Variants in ADAMTS16 observed in about 807,000 individuals in gnomAD.
ADAMTS16 encodes A disintegrin and metalloproteinase with thrombospondin motifs 16.
A neutral mutation model predicts 145.8 loss-of-function variants in ADAMTS16; 94 were observed. The observed-to-expected ratio is 0.64, with a 90% CI of 0.55 to 0.77. The LOEUF (loss-of-function observed/expected upper bound fraction) is 0.77. Among genes scored for constraint, ADAMTS16 ranks in the 30% least tolerant of loss-of-function variants. The pLI is 0.00. For synonymous variants in ADAMTS16, 659 were observed against 604.3 expected, an observed-to-expected ratio of 1.09 and a Z score of -1.33; for missense variants, 1,585 against 1,591.5, an observed-to-expected ratio of 1.00 and a Z score of 0.07.
At chr5:5,200,440 G>A (rs1735925265) in intron 9 of ADAMTS16, among the ~76,000 whole-genome samples, 171 bp downstream of exon 9, 1 of 152,200 alleles carries the variant, frequency 6.6e-6, no homozygotes, top group Non-Finnish European at 1.5e-5. Flanking sequence ...TCTCCTTAGA[G>A]CATGGAGGCC....
chr5:5,191,598 A>G (rs1735663711), intron 7 of ADAMTS16, 87 bp from the exon 8 acceptor site: 2 of 1,133,788 alleles, frequency 1.8e-6, no homozygotes, highest in South Asian at 1.3e-5. Context: ...TAAGAACTAA[A>G]TTTCACTAAG....
chr5:5,161,768 T>C (rs1210586408), intron 3 of ADAMTS16, among the ~76,000 whole-genome samples: 2 of 152,172 alleles, frequency 1.3e-5, no homozygotes, highest in Non-Finnish European at 2.9e-5. Context: ...CAATAATATA[T>C]TTTCTATCAT....
intron 17 of ADAMTS16, among the ~76,000 whole-genome samples, chr5:5,262,015 C>T (rs1203211050): frequency 6.6e-6 from 1 of 152,136 alleles, no homozygotes; most frequent in Non-Finnish European, 1.5e-5. Flanking sequence ...AAGTTAAAAT[C>T]CCTTTGGGAT....
chr5:5,201,617 G>A (rs1400836080), intron 9 of ADAMTS16, among the ~76,000 whole-genome samples: 1 of 152,012 alleles, frequency 6.6e-6, no homozygotes, highest in Non-Finnish European at 1.5e-5. Flanking sequence ...ACAGTAAGAT[G>A]AGTTTAGACG....
intron 14 of ADAMTS16, among the ~76,000 whole-genome samples, 183 bp from the exon 15 acceptor site, chr5:5,238,968 T>G (rs16875119): frequency 0.11 from 17,253 of 152,276 alleles, 1,111 homozygotes; most frequent in Admixed American, 0.19. Context: ...CCTACATTTT[T>G]GAAGGGTAAC....
intron 18 of ADAMTS16, among the ~76,000 whole-genome samples, chr5:5,273,252 C>A (rs2964395): frequency 0.41 from 62,364 of 152,112 alleles, 13,553 homozygotes; most frequent in East Asian, 0.59. Flanking sequence ...TGGGCCTGGC[C>A]CAGTGACTCA....
rs887148426 is a variant in ADAMTS16 at position 5,310,081 on chromosome 5, T to C, written c.3411+3353T>C. Among the ~76,000 whole-genome samples, 2 of 152,086 alleles carry C rather than the reference T, an allele frequency of 1.3e-5. No individual in the cohort carries two copies. Among genetic ancestry groups the C allele is most frequent in the African/African-American group, 4.8e-5 (2 of 41,408 alleles). ...GCAGGCAGAGGAGTGCAGAAATTAG[T>C]GCAGGTGCCTGTTGGGCAGCCGGGG... On this transcript the variant is annotated intron_variant, in intron 21 of 22. Transcript: ENST00000274181. This position sits in a 1 kb window ranked among gnomAD's most constrained non-coding sequence, Gnocchi z 4.3.
At position 5,206,423 on chromosome 5, in the gene ADAMTS16, C is replaced by T. The variant is rs1354453091; in HGVS notation, c.1452-2670C>T. Among the ~76,000 whole-genome samples, 24 of 9,906 alleles carry T rather than the reference C, an allele frequency of 2.4e-3. 1 individual carries two copies. Among genetic ancestry groups the T allele is most frequent in the African/African-American group, 0.012 (20 of 1,630 alleles). 6.5% of individuals were successfully genotyped at this position (9,906 alleles called of 152,430 possible). ...CCTGGGCGACAGAGCGAGACTCCGT[C>T]TCAAAAAAAAAAAAAAAAAAAAAAG... On this transcript the variant is annotated intron_variant, in intron 9 of 22. Coordinates refer to ENST00000274181, the MANE Select transcript of ADAMTS16 (RefSeq NM_139056.4).
intron 16 of ADAMTS16, among the ~76,000 whole-genome samples, chr5:5,241,758 A>G (rs1186883737): frequency 6.6e-6 from 1 of 152,220 alleles, no homozygotes; most frequent in Non-Finnish European, 1.5e-5. Flanking sequence ...TCAATAAAAA[A>G]TGATAACTTA....
chr5:5,230,847 C>T (rs1042230778), intron 11 of ADAMTS16, among the ~76,000 whole-genome samples: 22 of 152,166 alleles, frequency 1.4e-4, no homozygotes, highest in Non-Finnish European at 2.1e-4. Flanking sequence ...TCCTGTCTTC[C>T]ACTAACCTGA....
intron 17 of ADAMTS16, among the ~76,000 whole-genome samples, chr5:5,254,680 T>A (rs1430309053): frequency 1.3e-4 from 20 of 152,208 alleles, no homozygotes; most frequent in African/African-American, 1.9e-4. Flanking sequence ...ATCCATTACA[T>A]GGTGAAATAT....
intron 14 of ADAMTS16, among the ~76,000 whole-genome samples, chr5:5,237,935 A>G (rs991687842): frequency 1.3e-5 from 2 of 152,230 alleles, no homozygotes; most frequent in Non-Finnish European, 2.9e-5. Flanking sequence ...CATTGCATGT[A>G]GACAATGGGG....
intron 3 of ADAMTS16, among the ~76,000 whole-genome samples, chr5:5,164,520 CA>C (rs1286910486): frequency 2.0e-5 from 3 of 152,138 alleles, no homozygotes; most frequent in Non-Finnish European, 4.4e-5. Flanking sequence ...GATTCTCTTC[CA>C]AGGGCACTCT....
chr5:5,164,853 T>G (rs956889615), intron 3 of ADAMTS16, among the ~76,000 whole-genome samples: 1 of 152,054 alleles, frequency 6.6e-6, no homozygotes, highest in Non-Finnish European at 1.5e-5. Context: ...ATTTTTTGTA[T>G]TTTTAGTAGA....
At chr5:5,249,499 G>C (rs1020719403) in intron 17 of ADAMTS16, among the ~76,000 whole-genome samples, 3 of 152,042 alleles carry the variant, frequency 2.0e-5, no homozygotes, top group African/African-American at 4.8e-5. Flanking sequence ...TTATGAGAAG[G>C]AGCACACAAG....
Position 5,317,980 on chromosome 5 carries a change from C to T in ADAMTS16, c.3412-154C>T, listed in dbSNP as rs1229994144. On this transcript the variant is annotated intron_variant, in intron 21 of 22. Transcript: ENST00000274181. The surrounding 1 kb of genome is among the most constrained non-coding windows in gnomAD (Gnocchi z 4.5). ...AGGGACCGTGCTCACTCGCGCACAT[C>T]GTGGCCAACCATAACTCCACCTGCC... is the stretch of plus-strand genomic sequence containing the variant. 6.6e-6 allele frequency among the ~76,000 whole-genome samples: 1 copy of T among 152,352 alleles called. No homozygotes were observed. Among genetic ancestry groups the T allele is most frequent in the Admixed American group, 6.5e-5 (1 of 15,306 alleles).
chr5:5,247,343 A>G (rs1271511535), intron 17 of ADAMTS16, among the ~76,000 whole-genome samples: 3 of 151,918 alleles, frequency 2.0e-5, no homozygotes, highest in Non-Finnish European at 4.4e-5. Flanking sequence ...AAATTACAAA[A>G]TATATTACCC....
At chr5:5,140,859 A>C in intron 2 of ADAMTS16, 93 bp downstream of exon 2, 1 of 1,187,762 alleles carries the variant, frequency 8.4e-7, no homozygotes, top group Admixed American at 3.3e-5. Context: ...AATGTTCACG[A>C]CTCTGTGGAA....
Position 5,200,231 on chromosome 5 carries a change from G to A in ADAMTS16, c.1413G>A (p.Trp471Ter), listed in dbSNP as rs1221716061. Residue 471 changes from tryptophan (W) to a stop codon, truncating the protein, a stop_gained, in exon 9 of 23, where the codon TGG (tryptophan) becomes TGA (stop). Transcript: ENST00000274181. LOFTEE classifies it high-confidence loss of function. ...CAGGACGCAATGGAGTCTTCTCCTG[G>A]TCACCCTGCAGCCGCCAGTATCTAC... The part of the protein sequence containing the change: ...TLAGRNGVFS[W>*]SPCSRQYLHK... 2 of 1,613,150 alleles carry A rather than the reference G, an allele frequency of 1.2e-6. No individual in the cohort carries two copies. Among genetic ancestry groups the A allele is most frequent in the Admixed American group, 1.7e-5 (1 of 59,906 alleles).
Sources: allele counts gnomAD v4.1 joint callset (sites outside exome capture counted in the v4.1 genomes callset), GRCh38; gene constraint gnomAD v4.1.1; non-coding constraint Gnocchi (gnomAD v3.1); transcripts MANE v1.5; gene names NCBI Gene and HGNC (gene_info 2026-07-23, HGNC 2026-07-21).